Variants in ZRANB3 observed in about 807,000 individuals in gnomAD.
The protein encoded by ZRANB3 is zinc finger RANBP2-type containing 3, also known as DNA annealing helicase and endonuclease ZRANB3.
In ZRANB3, 125 loss-of-function variants were observed where a neutral mutation model predicts 133.8. That is an observed-to-expected ratio of 0.93 (90% CI 0.81 to 1.08). The LOEUF is 1.08. Among genes scored for constraint, ZRANB3 ranks in the 50% least tolerant of loss-of-function variants. ZRANB3 has a pLI of 0.00. For missense variants in ZRANB3, 1,229 were observed against 1,275.5 expected (o/e 0.96, Z 0.56); for synonymous variants, 387 against 432.7 (o/e 0.89, Z 1.31).
At chr2:135,313,020 TAA>T (rs771665483) in intron 8 of ZRANB3, among the ~76,000 whole-genome samples, 2 of 119,930 alleles carry the variant, frequency 1.7e-5, no homozygotes, top group Non-Finnish European at 1.8e-5. Context: ...ATTCCGTCTT[TAA>T]AAAAAAAAAA....
chr2:135,432,716 C>T (rs371219434), intron 2 of ZRANB3, among the ~76,000 whole-genome samples: 1 of 152,130 alleles, frequency 6.6e-6, no homozygotes, highest in Admixed American at 6.5e-5. Flanking sequence ...CAAACAGGAA[C>T]GTCTGAAATG....
At chr2:135,427,250 C>T (rs185789273) in intron 2 of ZRANB3, among the ~76,000 whole-genome samples, 6 of 152,014 alleles carry the variant, frequency 3.9e-5, no homozygotes, top group South Asian at 2.1e-4. Flanking sequence ...AAAGCATCCA[C>T]GTAGGAAGAG....
At chr2:135,448,823 C>A (rs919465862) in intron 2 of ZRANB3, among the ~76,000 whole-genome samples, 2 of 152,138 alleles carry the variant, frequency 1.3e-5, no homozygotes, top group African/African-American at 4.8e-5. Flanking sequence ...TGTAAACATG[C>A]ACATGAATAA....
chr2:135,346,979 C>T (rs932558454), intron 5 of ZRANB3, among the ~76,000 whole-genome samples: 4 of 152,292 alleles, frequency 2.6e-5, no homozygotes, highest in Middle Eastern at 6.8e-3. Flanking sequence ...ACTACTAACC[C>T]ACTTTCTGTT....
intron 2 of ZRANB3, among the ~76,000 whole-genome samples, chr2:135,418,349 A>G (rs966339103): frequency 6.6e-6 from 1 of 152,212 alleles, no homozygotes; most frequent in African/African-American, 2.4e-5. Context: ...TCTCCTGCAT[A>G]TACCAAGGGA....
chr2:135,485,635 C>T (rs1692080255), intron 2 of ZRANB3, among the ~76,000 whole-genome samples: 1 of 152,086 alleles, frequency 6.6e-6, no homozygotes, highest in African/African-American at 2.4e-5. Context: ...ACAGGCATAC[C>T]TTGGAGATAT....
chr2:135,425,225 C>T (rs1689016346), intron 2 of ZRANB3, among the ~76,000 whole-genome samples: 1 of 152,046 alleles, frequency 6.6e-6, no homozygotes, highest in African/African-American at 2.4e-5. Flanking sequence ...AATAAAATCT[C>T]CAGGATGATG....
At chr2:135,237,586 A>G (rs1183816506) in intron 12 of ZRANB3, among the ~76,000 whole-genome samples, 1 of 151,724 alleles carries the variant, frequency 6.6e-6, no homozygotes, top group Non-Finnish European at 1.5e-5. Flanking sequence ...TGTGGCACAT[A>G]TACACCATGG....
intron 8 of ZRANB3, among the ~76,000 whole-genome samples, chr2:135,306,359 C>T (rs1310669571): frequency 4.0e-5 from 6 of 148,566 alleles, no homozygotes; most frequent in African/African-American, 1.5e-4. Flanking sequence ...GCAATCTTGG[C>T]TCACTGCAAG....
intron 1 of ZRANB3, among the ~76,000 whole-genome samples, chr2:135,506,413 A>G (rs551678452): frequency 5.3e-5 from 8 of 152,242 alleles, no homozygotes; most frequent in African/African-American, 1.9e-4. Flanking sequence ...ACAAAAGCCA[A>G]TGTGGCTGAT....
chr2:135,484,492 T>C (rs567328309), intron 2 of ZRANB3, among the ~76,000 whole-genome samples: 124 of 152,036 alleles, frequency 8.2e-4, no homozygotes, highest in African/African-American at 2.7e-3. Context: ...TATCCAGAAA[T>C]AAATACATGA....
intron 12 of ZRANB3, among the ~76,000 whole-genome samples, chr2:135,249,343 C>T (rs917202984): frequency 6.6e-6 from 1 of 152,202 alleles, no homozygotes; most frequent in Non-Finnish European, 1.5e-5. Context: ...ATGGAATCAA[C>T]AGAAATGCAT....
intron 15 of ZRANB3, among the ~76,000 whole-genome samples, chr2:135,221,817 A>C (rs1463651062): frequency 1.3e-5 from 2 of 151,814 alleles, no homozygotes; most frequent in African/African-American, 2.4e-5. Context: ...CAGGCTCCAA[A>C]CCTATAAGAG....
At chr2:135,496,298 C>A (rs574904816) in intron 2 of ZRANB3, among the ~76,000 whole-genome samples, 1 of 148,684 alleles carries the variant, frequency 6.7e-6, no homozygotes, top group African/African-American at 2.5e-5. Context: ...GCAGGACAAT[C>A]GCTTGAACAC....
chr2:135,400,653 A>G (rs1329134838), intron 2 of ZRANB3, among the ~76,000 whole-genome samples: 5 of 152,204 alleles, frequency 3.3e-5, no homozygotes, highest in Non-Finnish European at 1.5e-5. Context: ...ACTAATTCTT[A>G]AAAGGTTGTT....
At chr2:135,212,603 G>A (rs1241743921) in intron 17 of ZRANB3, among the ~76,000 whole-genome samples, 1 of 152,184 alleles carries the variant, frequency 6.6e-6, no homozygotes, top group Non-Finnish European at 1.5e-5. Flanking sequence ...TTCAAACGTA[G>A]TTGCAAGTTG....
intron 2 of ZRANB3, among the ~76,000 whole-genome samples, chr2:135,495,338 T>C (rs937731298): frequency 6.6e-6 from 1 of 152,220 alleles, no homozygotes; most frequent in Non-Finnish European, 1.5e-5. Context: ...ACACATACTA[T>C]ATTATAGTAT....
At chr2:135,372,829 T>C (rs1283426156) in intron 3 of ZRANB3, among the ~76,000 whole-genome samples, 3 of 148,916 alleles carry the variant, frequency 2.0e-5, no homozygotes, top group Non-Finnish European at 4.4e-5. Flanking sequence ...ATCACACGGA[T>C]AATCCTAGCA....
intron 12 of ZRANB3, among the ~76,000 whole-genome samples, chr2:135,258,443 C>T (rs1012496946): frequency 2.0e-5 from 3 of 152,136 alleles, no homozygotes; most frequent in African/African-American, 7.2e-5. Flanking sequence ...GGGATTCAAT[C>T]TGTGAAGCGC....
Sources: gnomAD v4.1 joint callset for allele counts (sites outside exome capture counted in the v4.1 genomes callset) on GRCh38, gnomAD v4.1.1 for gene constraint, MANE v1.5 for transcripts, NCBI Gene and HGNC (gene_info 2026-07-23, HGNC 2026-07-21) for gene names.